The following CCDC38 variants were observed in gnomAD, a reference collection of about 807,000 sequenced individuals.
CCDC38 encodes the protein coiled-coil domain-containing protein 38.
Under a neutral mutation model 72.8 loss-of-function variants are expected in CCDC38, and 69 were observed. The ratio of observed to expected loss-of-function variants is 0.95; its 90% CI spans 0.78 to 1.16. The LOEUF (loss-of-function observed/expected upper bound fraction) is 1.16. Ranked by LOEUF, CCDC38 falls within the 50% of genes most tolerant of loss-of-function variation. CCDC38 has a pLI of 0.00. For synonymous variants in CCDC38, 201 were observed against 213.2 expected, an observed-to-expected ratio of 0.94 and a Z score of 0.50; for missense variants, 626 against 638.9, an observed-to-expected ratio of 0.98 and a Z score of 0.22.
In CCDC38 at chr12:95,918,948, C is replaced by T. The variant is rs200028991; in HGVS notation, c.66G>A (p.Glu22=). The T allele has an allele frequency of 1.2e-6, 2 of 1,610,428 alleles. No individual in the cohort carries two copies. Among genetic ancestry groups the T allele is most frequent in the African/African-American group, 2.7e-5 (2 of 74,902 alleles). The stretch of plus-strand genomic sequence containing the variant: ...TGAAAAAGATCTTATAAGGCCTGTC[C>T]TCTTTGGTTGAGCCATCTTTTACTT... The part of the protein sequence containing the change: ...GGKVKDGSTK[E]DRPYKIFFRD... The change falls in exon 3 of 16, where the codon GAG becomes GAA. Residue 22 remains glutamate (E), a synonymous_variant. Transcript: ENST00000344280.
intron 2 of CCDC38, among the ~76,000 whole-genome samples, chr12:95,928,300 C>T (rs1475860487): frequency 3.9e-5 from 6 of 152,180 alleles, no homozygotes; most frequent in African/African-American, 9.7e-5. Flanking sequence ...CATCTTCCAT[C>T]GCTGATACCC....
At chr12:95,903,014 G>A (rs1488975337) in intron 5 of CCDC38, among the ~76,000 whole-genome samples, 1 of 152,080 alleles carries the variant, frequency 6.6e-6, no homozygotes, top group Non-Finnish European at 1.5e-5. Context: ...CAGCAATATT[G>A]AGTCTTTGGA....
rs7960706 is a variant in CCDC38, at chr12:95,867,169, A to G, written c.1599T>C (p.Phe533=). The G allele has an allele frequency of 0.4, 631,374 of 1,590,260 alleles. 128,745 individuals are homozygous for G. Among genetic ancestry groups the G allele is most frequent in the South Asian group, 0.48 (42,555 of 88,948 alleles). ...TGTTACCAGATGGAGGTTTTGAATG[A>G]AAGACAAGTCGTCTTCCCAACTGAA... The part of the protein sequence containing the change: ...PKKKLGRRLV[F]HSKPPSGNKQ... Residue 533 remains phenylalanine (F), a synonymous_variant, in exon 16 of 16, where the codon TTT becomes TTC. Coordinates refer to ENST00000344280, the MANE Select transcript of CCDC38 (RefSeq NM_182496.3).
intron 1 of CCDC38, among the ~76,000 whole-genome samples, chr12:95,939,153 A>C (rs2080423639): frequency 6.6e-6 from 1 of 152,204 alleles, no homozygotes; most frequent in Non-Finnish European, 1.5e-5. Context: ...GGATGGCCTC[A>C]GTTGCATAGT....
intron 2 of CCDC38, among the ~76,000 whole-genome samples, chr12:95,927,018 G>C (rs1193199034): frequency 1.3e-5 from 2 of 152,136 alleles, no homozygotes; most frequent in Non-Finnish European, 2.9e-5. Context: ...TGTATATTCT[G>C]TTGATTTGGG....
rs751151789 is a variant in CCDC38 at position 95,895,131 on chromosome 12, T to G, written c.630A>C (p.Thr210=). The change falls in exon 8 of 16, where the codon ACA becomes ACC. Residue 210 remains threonine, a synonymous_variant. Transcript: ENST00000344280. ...VQAVKSEIAK[T]EFLLREYMKY... ...TCATATACTCCCTGAGGAGGAATTC[T>G]GTTTTTGCTATTTCACTACTCAAAA... 21 of 1,606,422 alleles carry G rather than the reference T, an allele frequency of 1.3e-5. No individual in the cohort carries two copies. In the East Asian group the frequency reaches 4.3e-4, roughly 33 times the overall value.
At chr12:95,871,538 C>T (rs747578749) in intron 14 of CCDC38, among the ~76,000 whole-genome samples, 1 of 152,084 alleles carries the variant, frequency 6.6e-6, no homozygotes, top group Non-Finnish European at 1.5e-5. Flanking sequence ...TGTAAGTGAA[C>T]GCATTCTGAA....
intron 7 of CCDC38, among the ~76,000 whole-genome samples, chr12:95,896,844 C>T (rs929013514): frequency 1.3e-5 from 2 of 152,146 alleles, no homozygotes; most frequent in Non-Finnish European, 2.9e-5. Context: ...GATACATCAA[C>T]GATCAAGTTA....
intron 2 of CCDC38, among the ~76,000 whole-genome samples, chr12:95,932,760 A>C (rs2080351583): frequency 1.3e-5 from 2 of 152,250 alleles, no homozygotes; most frequent in Admixed American, 6.5e-5. Context: ...GTTTCTCTAA[A>C]TAAACTTGAT....
intron 2 of CCDC38, among the ~76,000 whole-genome samples, chr12:95,925,086 G>T (rs1343547494): frequency 2.0e-5 from 3 of 151,184 alleles, no homozygotes; most frequent in Non-Finnish European, 4.4e-5. Context: ...GAAAGTCACT[G>T]GTAGCTTGAT....
intron 5 of CCDC38, among the ~76,000 whole-genome samples, chr12:95,906,150 G>C (rs2079998511): frequency 6.6e-6 from 1 of 152,168 alleles, no homozygotes; most frequent in Non-Finnish European, 1.5e-5. Context: ...ATAAAACCTT[G>C]TCTGGGATAT....
chr12:95,870,802 C>T (rs2079572758), intron 14 of CCDC38, among the ~76,000 whole-genome samples: 1 of 152,030 alleles, frequency 6.6e-6, no homozygotes, highest in Non-Finnish European at 1.5e-5. Flanking sequence ...CATATCCACC[C>T]TACATCCATA....
At chr12:95,893,846 T>C (rs2079856991) in intron 8 of CCDC38, among the ~76,000 whole-genome samples, 1 of 151,904 alleles carries the variant, frequency 6.6e-6, no homozygotes, top group African/African-American at 2.4e-5. Flanking sequence ...TAATAAAACA[T>C]AAATATGTTA....
At chr12:95,906,245 T>G in intron 5 of CCDC38, 142 bp downstream of exon 5, 1 of 619,614 alleles carries the variant, frequency 1.6e-6, no homozygotes, top group Non-Finnish European at 2.9e-6. Flanking sequence ...TTTTTCAAAT[T>G]AATGAACACG....
At chr12:95,905,861 G>GA (rs1164684798) in intron 5 of CCDC38, among the ~76,000 whole-genome samples, 1 of 151,934 alleles carries the variant, frequency 6.6e-6, no homozygotes, top group Admixed American at 6.6e-5. Context: ...TTGATGGCAG[G>GA]AAAAAAAGCC....
intron 5 of CCDC38, among the ~76,000 whole-genome samples, chr12:95,899,816 G>T (rs1254720896): frequency 6.6e-6 from 1 of 152,158 alleles, no homozygotes; most frequent in Non-Finnish European, 1.5e-5. Flanking sequence ...GTTTTAAGGG[G>T]TGTAAATAGA....
chr12:95,883,889 C>T (rs2121437951), intron 10 of CCDC38, among the ~76,000 whole-genome samples: 1 of 152,300 alleles, frequency 6.6e-6, no homozygotes, highest in African/African-American at 2.4e-5. Flanking sequence ...CAGGATTCAA[C>T]ACTCATTTTG....
chr12:95,914,531 T>G (rs2080125349), intron 4 of CCDC38, among the ~76,000 whole-genome samples: 1 of 152,128 alleles, frequency 6.6e-6, no homozygotes, highest in African/African-American at 2.4e-5. Context: ...TTTGTATCAT[T>G]TCACCCATAA....
At chr12:95,940,488 T>C (rs1408890064) in intron 1 of CCDC38, among the ~76,000 whole-genome samples, 1 of 152,204 alleles carries the variant, frequency 6.6e-6, no homozygotes, top group African/African-American at 2.4e-5. Flanking sequence ...AATTTCCAGA[T>C]GATCTCAATG....
Sources: gnomAD v4.1 joint callset for allele counts (sites outside exome capture counted in the v4.1 genomes callset) on GRCh38, gnomAD v4.1.1 for gene constraint, MANE v1.5 for transcripts, NCBI Gene and HGNC (gene_info 2026-07-23, HGNC 2026-07-21) for gene names.